The following ABCB5 variants were observed in gnomAD, a reference collection of about 807,000 sequenced individuals.
The protein encoded by ABCB5 is ATP binding cassette subfamily B member 5, also known as ATP-binding cassette sub-family B member 5.
ABCB5 carries 155 observed loss-of-function variants against 144.2 expected under a neutral mutation model. The ratio of observed to expected loss-of-function variants is 1.08; its 90% CI spans 0.94 to 1.23. The LOEUF (loss-of-function observed/expected upper bound fraction) is 1.23. ABCB5 is among the 50% of genes most tolerant of loss of function. The pLI is 0.00. For synonymous variants in ABCB5, 610 were observed against 528.6 expected (o/e 1.15, Z -2.11); for missense variants, 1,830 against 1,520.8 (o/e 1.20, Z -3.38).
chr7:20,663,407 A>C (rs1017278030), intron 14 of ABCB5, among the ~76,000 whole-genome samples: 2 of 152,252 alleles, frequency 1.3e-5, no homozygotes, highest in Admixed American at 6.5e-5. Context: ...GAATACTACC[A>C]GTTTTTAAAA....
chr7:20,724,198 TC>T (rs1231074899), intron 21 of ABCB5, among the ~76,000 whole-genome samples: 2 of 56,528 alleles, frequency 3.5e-5, no homozygotes, highest in East Asian at 1.5e-3. Flanking sequence ...TTTTTTCTTG[TC>T]TTATTTATTT....
rs746343141 is a variant in ABCB5, at chr7:20,723,167, C to A, written c.2573C>A (p.Ala858Glu). The A allele has an allele frequency of 6.2e-7, 1 of 1,614,170 alleles. No homozygotes were observed. Among genetic ancestry groups the A allele is most frequent in the Admixed American group, 1.7e-5 (1 of 60,030 alleles). Residue 858 changes from alanine (A) to glutamate (E), a missense_variant, in exon 21 of 28, where the codon GCA becomes GAA. Physicochemically the swap from Ala to Glu is moderately radical, Grantham distance 107. Coordinates refer to ENST00000404938, the MANE Select transcript of ABCB5 (RefSeq NM_001163941.2). ...LAVTGMIETAAMTGFANKDKQ... is the reference protein window; with the variant it reads ...LAVTGMIETAEMTGFANKDKQ... Reference sequence around the variant, plus strand: ...GTGACAGGAATGATTGAAACCGCAGCAATGACTGGATTTGCCAACAAAGAT... The same window carrying A: ...GTGACAGGAATGATTGAAACCGCAGAAATGACTGGATTTGCCAACAAAGAT...
At chr7:20,717,891 T>C (rs1781733201) in intron 20 of ABCB5, among the ~76,000 whole-genome samples, 1 of 88,338 alleles carries the variant, frequency 1.1e-5, no homozygotes. Context: ...TTCTTTTTTT[T>C]TTTTTTTTTT....
chr7:20,626,852 G>GGGGT lies in ABCB5; in HGVS notation c.108+243_108+246dup, dbSNP rs367767170. ...GACTCAGTGTTTTAAAAGTGTTTTT[G>GGGGT]GGGTGTGTGTGTGTGTGTGTGTGTG... On this transcript the variant is annotated intron_variant, in intron 3 of 27. Coordinates refer to ENST00000404938, the MANE Select transcript of ABCB5 (RefSeq NM_001163941.2). Among the ~76,000 whole-genome samples, 595 of 107,118 alleles carry GGGGT rather than the reference G, an allele frequency of 5.6e-3. 5 individuals carry two copies. In the East Asian group the frequency reaches 0.085, roughly 15 times the overall value. The allele number at this position is 107,118 out of a possible 152,430, so 70.3% of individuals were successfully genotyped here.
chr7:20,639,370 C>G (rs111457718), intron 5 of ABCB5, among the ~76,000 whole-genome samples: 21 of 152,232 alleles, frequency 1.4e-4, no homozygotes, highest in African/African-American at 5.1e-4. Context: ...GTTCAGTTCA[C>G]TAAGTTTATT....
At chr7:20,615,977 C>G (rs1001401375) in intron 1 of ABCB5, 140 bp downstream of exon 1, 16 of 152,238 alleles carry the variant, frequency 1.1e-4, no homozygotes, top group African/African-American at 3.9e-4. Flanking sequence ...TTTTCATAGT[C>G]AGAAATGATC....
intron 27 of ABCB5, among the ~76,000 whole-genome samples, chr7:20,754,302 G>A (rs1783018068): frequency 6.6e-6 from 1 of 152,142 alleles, no homozygotes; most frequent in Non-Finnish European, 1.5e-5. Flanking sequence ...GCTTGAAGAT[G>A]ATTATTATTC....
At chr7:20,633,602 T>A (rs1377274477) in intron 5 of ABCB5, among the ~76,000 whole-genome samples, 2 of 152,166 alleles carry the variant, frequency 1.3e-5, no homozygotes, top group Non-Finnish European at 2.9e-5. Flanking sequence ...ACATTTGTCG[T>A]TTCTTCGTAT....
In ABCB5 at chr7:20,634,238, T is replaced by TTGTGTGTGTGTGTG. The variant is rs10688708; in HGVS notation, c.314+2145_314+2158dup. On this transcript the variant is annotated intron_variant, in intron 5 of 27. Coordinates refer to ENST00000404938, the MANE Select transcript of ABCB5 (RefSeq NM_001163941.2). ...TTTTATGGCTGACTAGTATTCCATG[T>TTGTGTGTGTGTGTG]TGTGTGTGTGTGTGTGTGTGTGTGT... Among the ~76,000 whole-genome samples, 63 of 140,542 alleles carry TTGTGTGTGTGTGTG rather than the reference T, an allele frequency of 4.5e-4. 1 individual carries two copies. Among genetic ancestry groups the TTGTGTGTGTGTGTG allele is most frequent in the African/African-American group, 1.2e-3 (46 of 37,768 alleles). The allele number at this position is 140,542 out of a possible 152,430, so 92.2% of individuals were successfully genotyped here.
intron 16 of ABCB5, among the ~76,000 whole-genome samples, chr7:20,694,141 C>G (rs1786328137): frequency 6.7e-6 from 1 of 150,142 alleles, no homozygotes; most frequent in South Asian, 2.1e-4. Flanking sequence ...CATCATTACT[C>G]TGATATCAAA....
chr7:20,623,360 T>C (rs1340806784), intron 2 of ABCB5, 22 bp downstream of exon 2: 1 of 1,527,920 alleles, frequency 6.5e-7, no homozygotes, highest in East Asian at 2.4e-5. Context: ...CTAAGTTCTG[T>C]AAGTATGCTT....
At chr7:20,720,163 C>T (rs1438145446) in intron 20 of ABCB5, among the ~76,000 whole-genome samples, 6 of 152,008 alleles carry the variant, frequency 3.9e-5, no homozygotes, top group Admixed American at 3.3e-4. Context: ...GGACATATTC[C>T]AAAACTGATA....
chr7:20,667,583 T>C (rs780641718), intron 14 of ABCB5: 1 of 953,496 alleles, frequency 1.0e-6, no homozygotes, highest in Non-Finnish European at 1.2e-6. Flanking sequence ...GAGAGTATTG[T>C]GAAATCATTG....
intron 15 of ABCB5, among the ~76,000 whole-genome samples, chr7:20,682,798 G>A (rs1463263479): frequency 6.6e-6 from 1 of 152,108 alleles, no homozygotes; most frequent in African/African-American, 2.4e-5. Context: ...AGCTCATACT[G>A]GGCAATCAAG....
chr7:20,681,127 T>TC, intron 14 of ABCB5, among the ~76,000 whole-genome samples: 1 of 141,348 alleles, frequency 7.1e-6, no homozygotes, highest in African/African-American at 2.7e-5. Context: ...TTTCTTTCTT[T>TC]TTCTTTCTGT....
intron 5 of ABCB5, among the ~76,000 whole-genome samples, chr7:20,635,101 A>G (rs188135683): frequency 6.6e-6 from 1 of 152,218 alleles, no homozygotes; most frequent in East Asian, 1.9e-4. Flanking sequence ...ATAAGGGTCC[A>G]GTTTTATTCT....
chr7:20,665,714 T>C (rs182975482), intron 14 of ABCB5, among the ~76,000 whole-genome samples: 1 of 138,212 alleles, frequency 7.2e-6, no homozygotes. Context: ...CTGGATGAGA[T>C]AGAGATGGAA....
rs186810184 is a variant in ABCB5, at chr7:20,715,690, A to C, written c.2422-7326A>C. ...CTCCCAAAGTGCTGGGATTATAAGT[A>C]TGAGCCACCGCACCCAGCCTAGAGC... is the stretch of plus-strand genomic sequence containing the variant. On this transcript the variant is annotated intron_variant, in intron 20 of 27. Transcript: ENST00000404938. Among the ~76,000 whole-genome samples the C allele has an allele frequency of 4.5e-4, 68 of 149,932 alleles. 1 individual carries two copies. The East Asian group carries it at 0.011, about 25-fold the overall frequency.
chr7:20,714,281 A>G (rs1781595974), intron 20 of ABCB5, among the ~76,000 whole-genome samples: 1 of 152,162 alleles, frequency 6.6e-6, no homozygotes, highest in African/African-American at 2.4e-5. Context: ...CGTAGTACCT[A>G]AGACATAGTA....
Sources: allele counts gnomAD v4.1 joint callset (sites outside exome capture counted in the v4.1 genomes callset), GRCh38; gene constraint gnomAD v4.1.1; transcripts MANE v1.5; gene names NCBI Gene and HGNC (gene_info 2026-07-23, HGNC 2026-07-21).